CCDC66: variants seen among roughly 807,000 people sequenced by gnomAD.
CCDC66 encodes the protein coiled-coil domain-containing protein 66.
Under a neutral mutation model 128.3 loss-of-function variants are expected in CCDC66, and 133 were observed. That is an observed-to-expected ratio of 1.04 (90% CI 0.90 to 1.20). The LOEUF (loss-of-function observed/expected upper bound fraction) is 1.20, where lower values mean the gene tolerates loss of function less well. CCDC66 is among the 50% of genes most tolerant of loss of function. The pLI is 0.00. For missense variants in CCDC66, 1,126 were observed against 1,075.5 expected (o/e 1.05, Z -0.66); for synonymous variants, 387 against 357.0 (o/e 1.08, Z -0.95).
intron 2 of CCDC66, 133 bp downstream of exon 2, chr3:56,559,043 C>G: frequency 3.0e-6 from 2 of 667,690 alleles, no homozygotes; most frequent in Middle Eastern, 4.1e-4. Flanking sequence ...TTTCCTCAAA[C>G]TTCTGCAGAT....
At chr3:56,569,452 C>G (rs1487059005) in intron 6 of CCDC66, 1 of 198,708 alleles carries the variant, frequency 5.0e-6, no homozygotes, top group Non-Finnish European at 1.1e-5. Flanking sequence ...TTTACACAAC[C>G]AGCTCTCATG....
At position 56,563,900 on chromosome 3, in the gene CCDC66, A is replaced by G. The variant is rs2065448185; in HGVS notation, c.319A>G (p.Ile107Val). Reference protein sequence around the residue: ...KQCIDKDCLHIQKEISPATPN... With the variant: ...KQCIDKDCLHVQKEISPATPN... ...ATGTATAGATAAAGACTGTCTTCAT[A>G]TCCAGAAAGAGATTTCACCTGCAAC... The change falls in exon 4 of 18, where the codon ATC (isoleucine) becomes GTC (valine). Residue 107 changes from isoleucine (I) to valine (V), a missense_variant. Transcript: ENST00000394672. 1 of 1,612,910 alleles carries G rather than the reference A, an allele frequency of 6.2e-7. No individual in the cohort carries two copies. Among genetic ancestry groups the G allele is most frequent in the African/African-American group, 1.3e-5 (1 of 74,900 alleles).
At chr3:56,587,091 C>G (rs1211636545) in intron 7 of CCDC66, among the ~76,000 whole-genome samples, 1 of 151,534 alleles carries the variant, frequency 6.6e-6, no homozygotes. Flanking sequence ...ATTGGTGGTT[C>G]TAGGCAATAT....
At position 56,566,959 on chromosome 3, in the gene CCDC66, A is replaced by G; in HGVS notation, c.720A>G (p.Glu240=). The change falls in exon 6 of 18, where the codon GAA becomes GAG. Residue 240 remains glutamate, a synonymous_variant. Coordinates refer to ENST00000394672, the MANE Select transcript of CCDC66 (RefSeq NM_001141947.3). ...TTGTGTTTTACCTTAGAGAGAATGA[A>G]TGGAAACCAGCTGATATATTCAGTA... ...QCEQKIAIEN[E]WKPADIFSTL... is the part of the protein sequence containing the mutation. 4 of 1,613,474 alleles carry G rather than the reference A, an allele frequency of 2.5e-6. No individual in the cohort carries two copies. Among genetic ancestry groups the G allele is most frequent in the South Asian group, 1.1e-5 (1 of 91,006 alleles).
chr3:56,583,912 G>T (rs866099547), intron 7 of CCDC66, among the ~76,000 whole-genome samples: 1 of 63,818 alleles, frequency 1.6e-5, no homozygotes, highest in African/African-American at 7.8e-5. Context: ...ATGGGGCGGC[G>T]GCTGGGCGGG....
chr3:56,582,373 AT>A (rs1408002415), intron 7 of CCDC66, among the ~76,000 whole-genome samples: 2 of 151,696 alleles, frequency 1.3e-5, no homozygotes, highest in Non-Finnish European at 2.9e-5. Context: ...GGGTGAGGCG[AT>A]GCCCCACCTG....
chr3:56,602,403 T>G (rs1176067471), intron 10 of CCDC66, among the ~76,000 whole-genome samples: 4 of 152,116 alleles, frequency 2.6e-5, no homozygotes, highest in Non-Finnish European at 4.4e-5. Context: ...TGCATCAATG[T>G]TCATCAGGGA....
intron 6 of CCDC66, chr3:56,569,858 G>C (rs2066395557): frequency 6.6e-6 from 1 of 152,180 alleles, no homozygotes; most frequent in South Asian, 2.1e-4. Flanking sequence ...TTTTGAGACG[G>C]AGTTTCATTC....
rs1311463522 is a variant in CCDC66, at chr3:56,563,713, T to G, written c.132T>G (p.Cys44Trp). The stretch of plus-strand genomic sequence containing the variant: ...GAAATAAGGCCAAGATTGCAAAATG[T>G]CCTTTAAGAACAAAAACTGGGCACA... ...KMGNKAKIAK[C>W]PLRTKTGHIL... The change falls in exon 4 of 18, where the codon TGT (cysteine) becomes TGG (tryptophan). Residue 44 changes from cysteine (C) to tryptophan (W), a missense_variant. Transcript: ENST00000394672. 1 of 1,550,558 alleles carries G rather than the reference T, an allele frequency of 6.4e-7. No homozygotes were observed. Among genetic ancestry groups the G allele is most frequent in the Non-Finnish European group, 8.7e-7 (1 of 1,146,546 alleles).
At chr3:56,558,205 AATTATGGACTGT>A (rs954420574) in intron 1 of CCDC66, among the ~76,000 whole-genome samples, 2 of 151,996 alleles carry the variant, frequency 1.3e-5, no homozygotes, top group African/African-American at 4.8e-5. Context: ...TCTCTCTCTG[AATTATGGACTGT>A]ATGTATGGGC....
At chr3:56,571,476 G>A (rs2066607409) in intron 7 of CCDC66, 174 bp downstream of exon 7, 1 of 421,828 alleles carries the variant, frequency 2.4e-6, no homozygotes, top group South Asian at 2.8e-5. Context: ...ACCCCTCCCA[G>A]GCTCAAGCGA....
chr3:56,591,982 G>A (rs544142530), intron 7 of CCDC66, among the ~76,000 whole-genome samples: 1 of 152,260 alleles, frequency 6.6e-6, no homozygotes, highest in Admixed American at 6.5e-5. Context: ...AATTTGAGTA[G>A]AATATATTTT....
intron 10 of CCDC66, among the ~76,000 whole-genome samples, chr3:56,598,073 T>C (rs2107061511): frequency 6.6e-6 from 1 of 151,832 alleles, no homozygotes; most frequent in South Asian, 2.1e-4. Context: ...ACTGTGCCAG[T>C]GGAGTCTAGG....
At chr3:56,561,519 A>G (rs949650936) in intron 3 of CCDC66, 14 of 283,494 alleles carry the variant, frequency 4.9e-5, no homozygotes, top group Non-Finnish European at 8.8e-5. Context: ...TTGAGCCTAA[A>G]TTGTTTACTG....
At chr3:56,562,881 A>G (rs1036104118) in intron 3 of CCDC66, among the ~76,000 whole-genome samples, 1 of 151,192 alleles carries the variant, frequency 6.6e-6, no homozygotes, top group Non-Finnish European at 1.5e-5. Flanking sequence ...TCCTGACCTC[A>G]GGCAATCCAC....
chr3:56,573,841 G>GATGATCC (rs375176860), intron 7 of CCDC66, among the ~76,000 whole-genome samples: 1 of 288 alleles, frequency 3.5e-3, no homozygotes, highest in Admixed American at 0.1. Flanking sequence ...TTGGCCAAGA[G>GATGATCC]ATCCATTCAG....
intron 7 of CCDC66, 95 bp downstream of exon 7, chr3:56,571,397 T>C: frequency 1.1e-6 from 1 of 893,894 alleles, no homozygotes. Context: ...AGTTTTTTTT[T>C]TGAGACGGAG....
At chr3:56,583,949 G>A (rs1314414172) in intron 7 of CCDC66, among the ~76,000 whole-genome samples, 5 of 134,860 alleles carry the variant, frequency 3.7e-5, no homozygotes, top group South Asian at 2.5e-4. Context: ...CCTCCCGGAC[G>A]GGGCGGCTGG....
rs773469331 is a variant in CCDC66 at position 56,594,051 on chromosome 3, T to C, written c.1404+23T>C. 14 of 1,587,884 alleles carry C rather than the reference T, an allele frequency of 8.8e-6. No homozygotes were observed. The East Asian group carries it at 1.6e-4, about 18-fold the overall frequency. ...CAGGTATTGCATTGTTAAACATTGT[T>C]CTTTACCTTAATAAGTAACAGTCAT... On this transcript the variant is annotated intron_variant, in intron 10 of 17. Coordinates refer to ENST00000394672, the MANE Select transcript of CCDC66 (RefSeq NM_001141947.3).
Sources: gnomAD v4.1 joint callset for allele counts (sites outside exome capture counted in the v4.1 genomes callset) on GRCh38, gnomAD v4.1.1 for gene constraint, MANE v1.5 for transcripts, NCBI Gene and HGNC (gene_info 2026-07-23, HGNC 2026-07-21) for gene names.